The following LHCGR variants were observed in gnomAD, a reference collection of about 807,000 sequenced individuals.
The protein encoded by LHCGR is luteinizing hormone/choriogonadotropin receptor.
In LHCGR, 55 loss-of-function variants were observed where a neutral mutation model predicts 60.7. That is an observed-to-expected ratio of 0.91 (90% CI 0.73 to 1.13). The LOEUF (loss-of-function observed/expected upper bound fraction) is 1.13, where lower values mean the gene tolerates loss of function less well. Among genes scored for constraint, LHCGR ranks in the 50% most tolerant of loss-of-function variants. The probability of loss-of-function intolerance (pLI) is 0.00; values close to 1 mark genes in which losing one functional copy is unlikely to be tolerated. For synonymous variants in LHCGR, 337 were observed against 316.5 expected (o/e 1.06, Z -0.69); for missense variants, 862 against 836.0 (o/e 1.03, Z -0.38).
intron 6 of LHCGR, among the ~76,000 whole-genome samples, chr2:48,717,833 C>CTTTTTTT (rs10711529): frequency 2.6e-4 from 18 of 68,984 alleles, no homozygotes; most frequent in Non-Finnish European, 3.7e-4. Context: ...TTTTCCATGT[C>CTTTTTTT]TTTTTTTTTT....
intron 8 of LHCGR, among the ~76,000 whole-genome samples, chr2:48,704,188 C>T (rs948943078): frequency 6.6e-6 from 1 of 152,180 alleles, no homozygotes; most frequent in African/African-American, 2.4e-5. Flanking sequence ...TGATGGATTA[C>T]ATTTATTGAT....
intron 1 of LHCGR, among the ~76,000 whole-genome samples, chr2:48,751,337 A>C (rs1669947018): frequency 6.6e-6 from 1 of 152,150 alleles, no homozygotes. Flanking sequence ...TTTCCCCCCC[A>C]GCCTGGGAAG....
At chr2:48,719,315 G>A (rs569144913) in intron 6 of LHCGR, among the ~76,000 whole-genome samples, 126 of 152,278 alleles carry the variant, frequency 8.3e-4, no homozygotes, top group Non-Finnish European at 1.1e-3. Context: ...AGCCAGGACT[G>A]AAGCCCAGAC....
In LHCGR at chr2:48,698,391, A is replaced by G. The variant is rs578023345; in HGVS notation, c.866+224T>C. Among the ~76,000 whole-genome samples the G allele has an allele frequency of 2.6e-5, 4 of 152,324 alleles. No individual in the cohort carries two copies. The South Asian group carries it at 6.2e-4, about 24-fold the overall frequency. On this transcript the variant is annotated intron_variant, in intron 9 of 10. Coordinates refer to ENST00000294954, the MANE Select transcript of LHCGR (RefSeq NM_000233.4). ...ATTCAGTTTACCCAGAATTGGCTAC[A>G]AAGGTCTTCTAGCTGCAGGGTGAAT...
intron 6 of LHCGR, among the ~76,000 whole-genome samples, chr2:48,718,295 C>A (rs1668352885): frequency 6.6e-6 from 1 of 152,134 alleles, no homozygotes; most frequent in East Asian, 1.9e-4. Flanking sequence ...CAGAATGGCA[C>A]CTTTTTGTTC....
intron 1 of LHCGR, among the ~76,000 whole-genome samples, chr2:48,735,934 C>G (rs1242024497): frequency 6.6e-6 from 1 of 152,088 alleles, no homozygotes; most frequent in African/African-American, 2.4e-5. Flanking sequence ...TTTGCTGCTG[C>G]TCTTATGAGA....
chr2:48,707,827 C>T (rs542480403), intron 8 of LHCGR, among the ~76,000 whole-genome samples: 6 of 152,284 alleles, frequency 3.9e-5, no homozygotes, highest in East Asian at 1.9e-4. Flanking sequence ...TGGGACCCAG[C>T]GAGCCAGGCA....
At chr2:48,709,082 TC>T in intron 7 of LHCGR, 60 bp from the exon 8 acceptor site, 1 of 1,321,274 alleles carries the variant, frequency 7.6e-7, no homozygotes, top group Non-Finnish European at 1.1e-6. Context: ...CATTCGTAGC[TC>T]CATATACACA....
At position 48,708,992 on chromosome 2, in the gene LHCGR, C is replaced by T; in HGVS notation, c.636G>A (p.Lys212=). ...CCCCACGGAAGGCTCCATTGTGCATCTTCTCCAGATGTACGTTTTCCTTTA... is the reference window on the plus strand; with the variant it reads ...CCCCACGGAAGGCTCCATTGTGCATTTTCTCCAGATGTACGTTTTCCTTTA... ...LELKENVHLE[K]MHNGAFRGAT... is the part of the protein sequence containing the mutation. Residue 212 remains lysine (K), a synonymous_variant, in exon 8 of 11, where the codon AAG becomes AAA. Coordinates refer to ENST00000294954, the MANE Select transcript of LHCGR (RefSeq NM_000233.4). 1 of 1,614,210 alleles carries T rather than the reference C, an allele frequency of 6.2e-7. No homozygotes were observed. The highest frequency in any genetic ancestry group is 1.6e-4 in the Middle Eastern group (1 of 6,062).
In LHCGR at chr2:48,687,627, A is replaced by T. The variant is rs1679956590; in HGVS notation, c.*70T>A. The T allele has an allele frequency of 7.7e-7, 1 of 1,304,626 alleles. No individual in the cohort carries two copies. Among genetic ancestry groups the T allele is most frequent in the East Asian group, 2.3e-5 (1 of 43,378 alleles). The allele number at this position is 1,304,626 out of a possible 1,614,324, so 80.8% of individuals were successfully genotyped here. On this transcript the variant is annotated 3_prime_UTR_variant, in exon 11 of 11. Transcript: ENST00000294954. ...CCTAAATCCAACCCTTTATGTTAAA[A>T]TTACTGGTACAGGTAATTTTTTTTT...
At chr2:48,703,246 T>G (rs971293075) in intron 8 of LHCGR, among the ~76,000 whole-genome samples, 4 of 152,242 alleles carry the variant, frequency 2.6e-5, no homozygotes, top group Non-Finnish European at 5.9e-5. Flanking sequence ...TGCTGATAGT[T>G]TCTTTTGCTG....
intron 6 of LHCGR, chr2:48,720,353 C>G (rs1440821745): frequency 6.6e-6 from 1 of 152,178 alleles, no homozygotes; most frequent in Non-Finnish European, 1.5e-5. Flanking sequence ...CTACTTCACT[C>G]CACTCCCATC....
chr2:48,696,078 A>T (rs897330426), intron 9 of LHCGR, among the ~76,000 whole-genome samples: 3 of 152,084 alleles, frequency 2.0e-5, no homozygotes, highest in Non-Finnish European at 4.4e-5. Flanking sequence ...TGGTTTCTTC[A>T]TAATTACAAA....
At chr2:48,710,995 C>T (rs1425490173) in intron 7 of LHCGR, among the ~76,000 whole-genome samples, 2 of 152,194 alleles carry the variant, frequency 1.3e-5, no homozygotes, top group Non-Finnish European at 2.9e-5. Flanking sequence ...CCTTCATCTC[C>T]AGTCTCCCCC....
At chr2:48,735,343 A>C (rs529070381) in intron 1 of LHCGR, among the ~76,000 whole-genome samples, 1 of 152,312 alleles carries the variant, frequency 6.6e-6, no homozygotes, top group East Asian at 1.9e-4. Context: ...AATAATATTA[A>C]TATTTGGGGG....
chr2:48,692,184 A>G (rs1040429917), intron 10 of LHCGR, among the ~76,000 whole-genome samples: 4 of 152,240 alleles, frequency 2.6e-5, no homozygotes, highest in African/African-American at 9.6e-5. Flanking sequence ...TCTCTGGATG[A>G]TTCATACAAA....
intron 3 of LHCGR, among the ~76,000 whole-genome samples, chr2:48,728,463 G>C (rs536979264): frequency 6.6e-6 from 1 of 152,186 alleles, no homozygotes; most frequent in African/African-American, 2.4e-5. Flanking sequence ...AAAAGCAGCA[G>C]TAGGGGGCCT....
chr2:48,707,467 G>A (rs555487596), intron 8 of LHCGR, among the ~76,000 whole-genome samples: 2 of 152,360 alleles, frequency 1.3e-5, no homozygotes, highest in South Asian at 2.1e-4. Context: ...AGGCAGGGAC[G>A]TTTAAGTCTG....
At chr2:48,702,595 T>A (rs528148273) in intron 8 of LHCGR, among the ~76,000 whole-genome samples, 30 of 152,338 alleles carry the variant, frequency 2.0e-4, no homozygotes, top group Non-Finnish European at 5.9e-5. Context: ...CATGAACTTA[T>A]CCTTTTTTAT....
Sources: allele counts gnomAD v4.1 joint callset (sites outside exome capture counted in the v4.1 genomes callset), GRCh38; gene constraint gnomAD v4.1.1; transcripts MANE v1.5; gene names NCBI Gene and HGNC (gene_info 2026-07-23, HGNC 2026-07-21).